The following HELLS variants were observed in gnomAD, a reference collection of about 807,000 sequenced individuals.
The protein encoded by HELLS is lymphoid-specific helicase.
A neutral mutation model predicts 120.0 loss-of-function variants in HELLS; 32 were observed. The ratio of observed to expected loss-of-function variants is 0.27; its 90% CI spans 0.20 to 0.36. The LOEUF is 0.36. Ranked by LOEUF, HELLS falls within the 10% of genes least tolerant of loss-of-function variation. The probability of loss-of-function intolerance (pLI) is 1.00; values close to 1 mark genes in which losing one functional copy is unlikely to be tolerated. For missense variants in HELLS, 650 were observed against 993.4 expected, an observed-to-expected ratio of 0.65 and a Z score of 4.65; for synonymous variants, 341 against 323.4, an observed-to-expected ratio of 1.05 and a Z score of -0.58.
exon 10 of HELLS, chr10:94,612,487 A>C (rs557169679): frequency 1.6e-4 from 24 of 152,342 alleles, no homozygotes; most frequent in African/African-American, 5.5e-4. Flanking sequence ...GTGGAGTTTT[A>C]CAGAAGCTAT....
In HELLS at chr10:94,588,225, T is replaced by G; in HGVS notation, c.1327-4T>G. 6.4e-7 allele frequency: 1 copy of G among 1,569,826 alleles called. No individual in the cohort carries two copies. Among genetic ancestry groups the G allele is most frequent in the East Asian group, 2.2e-5 (1 of 44,612 alleles). On this transcript the variant is annotated splice_region_variant and splice_polypyrimidine_tract_variant and intron_variant, in intron 12 of 21. Coordinates refer to ENST00000348459, the MANE Select transcript of HELLS (RefSeq NM_018063.5). Reference sequence around the variant, plus strand: ...ATATTTTTCTGTTCATGTTTTAATTTTAGATTTTAACACCTTTCTTATTGA... The same window carrying G: ...ATATTTTTCTGTTCATGTTTTAATTGTAGATTTTAACACCTTTCTTATTGA...
At chr10:94,559,136 A>G (rs1023015820) in intron 4 of HELLS, among the ~76,000 whole-genome samples, 1 of 152,130 alleles carries the variant, frequency 6.6e-6, no homozygotes, top group Non-Finnish European at 1.5e-5. Flanking sequence ...TAGTCCTCCA[A>G]TACATATGTT....
chr10:94,554,169 G>A lies in HELLS; in HGVS notation c.197G>A (p.Arg66His), dbSNP rs138927664. 4.4e-5 allele frequency: 69 copies of A among 1,571,286 alleles called. No homozygotes were observed. Among genetic ancestry groups the A allele is most frequent in the South Asian group, 1.2e-5 (1 of 82,194 alleles). The stretch of plus-strand genomic sequence containing the variant: ...AGAGAGTCGACAGAAATTCGGTACC[G>A]TAGACTTCAACATTTGCTTGAAAAA... ...WDRESTEIRY[R>H]RLQHLLEKSN... Residue 66 changes from arginine (R) to histidine (H), a missense_variant, in exon 3 of 22, where the codon CGT becomes CAT. Transcript: ENST00000348459.
chr10:94,550,235 G>A (rs1239267149), intron 2 of HELLS, among the ~76,000 whole-genome samples: 1 of 149,832 alleles, frequency 6.7e-6, no homozygotes, highest in East Asian at 2.0e-4. Flanking sequence ...TTTTTTTTAG[G>A]AAAAATTTTT....
At chr10:94,559,723 C>T (rs1462620179) in intron 4 of HELLS, among the ~76,000 whole-genome samples, 3 of 151,794 alleles carry the variant, frequency 2.0e-5, no homozygotes, top group African/African-American at 4.8e-5. Context: ...GGATTACAGG[C>T]GAGAGCCACT....
At chr10:94,582,783 A>G (rs183406108) in intron 11 of HELLS, among the ~76,000 whole-genome samples, 180 bp from the exon 12 acceptor site, 4 of 152,236 alleles carry the variant, frequency 2.6e-5, no homozygotes, top group Admixed American at 2.0e-4. Context: ...AATGCAACCA[A>G]TTTATCTTTG....
intron 2 of HELLS, among the ~76,000 whole-genome samples, chr10:94,550,163 G>T (rs988601352): frequency 6.6e-6 from 1 of 151,536 alleles, no homozygotes; most frequent in African/African-American, 2.4e-5. Context: ...CAGGTGATCC[G>T]CCCGTCTTGA....
At chr10:94,591,518 C>T (rs557993506) in intron 15 of HELLS, among the ~76,000 whole-genome samples, 1 of 152,254 alleles carries the variant, frequency 6.6e-6, no homozygotes, top group East Asian at 1.9e-4. Context: ...CATTTTGGGC[C>T]AGATAATTCT....
chr10:94,589,654 G>A (rs1845364886), intron 13 of HELLS, among the ~76,000 whole-genome samples: 1 of 149,048 alleles, frequency 6.7e-6, no homozygotes, highest in South Asian at 2.1e-4. Context: ...TTAAACAATA[G>A]GACCACCAGA....
intron 4 of HELLS, among the ~76,000 whole-genome samples, chr10:94,562,142 G>T (rs1341907781): frequency 1.3e-5 from 2 of 150,694 alleles, no homozygotes; most frequent in East Asian, 2.1e-4. Context: ...GTGGCTCAAC[G>T]CCTGTAATCC....
In HELLS at chr10:94,611,471, A is replaced by G. The variant is rs373591496; in HGVS notation, c.*1620A>G. ...AATTAGTAATTCAGTGGTAATTAGT[A>G]TACTACCAAAGAAAGTACTTGAGCA... On this transcript the variant is annotated 3_prime_UTR_variant, in exon 10 of 10. Coordinates refer to the HELLS transcript ENST00000371327. 5.9e-5 allele frequency: 9 copies of G among 152,346 alleles called. 1 individual carries two copies. Among genetic ancestry groups the G allele is most frequent in the Admixed American group, 2.6e-4 (4 of 15,298 alleles). 9.4% of individuals were successfully genotyped at this position (152,346 alleles called of 1,614,324 possible). A position where few individuals can be genotyped will look rare whatever the true frequency, so the allele number is the denominator to read the frequency against.
chr10:94,574,325 T>G, intron 8 of HELLS, 138 bp downstream of exon 8: 1 of 727,748 alleles, frequency 1.4e-6, no homozygotes, highest in Middle Eastern at 3.0e-4. Flanking sequence ...CTTTCTGATT[T>G]CTTTACCCTG....
chr10:94,607,702 T>A (rs1048022646), intron 8 of HELLS, among the ~76,000 whole-genome samples: 3 of 152,164 alleles, frequency 2.0e-5, no homozygotes, highest in Admixed American at 6.5e-5. Flanking sequence ...TTTTTTAGTC[T>A]TAGCAATTTT....
chr10:94,560,784 G>A (rs1026698749), intron 4 of HELLS, among the ~76,000 whole-genome samples: 1 of 151,944 alleles, frequency 6.6e-6, no homozygotes, highest in African/African-American at 2.4e-5. Context: ...GGCCAGGCAC[G>A]GTGGCTCACG....
rs139861782 is a variant in HELLS at position 94,580,034 on chromosome 10, C to G, written c.1033-1292C>G. Among the ~76,000 whole-genome samples, 638 of 149,584 alleles carry G rather than the reference C, an allele frequency of 4.3e-3. 2 individuals are homozygous for G. The highest frequency in any genetic ancestry group is 0.015 in the African/African-American group (594 of 40,818). ...TGTTGCTGAGTGCGAGTGGAAGTGA[C>G]TGAGTTCACTTGCTAATTTGGCTTT... On this transcript the variant is annotated intron_variant, in intron 10 of 21. Coordinates refer to ENST00000348459, the MANE Select transcript of HELLS (RefSeq NM_018063.5).
intron 2 of HELLS, among the ~76,000 whole-genome samples, chr10:94,552,407 C>G (rs933726688): frequency 6.6e-6 from 1 of 152,198 alleles, no homozygotes; most frequent in East Asian, 1.9e-4. Flanking sequence ...TTTCTGCTCT[C>G]ATTTATCCAT....
chr10:94,591,091 C>T (rs1232201324), intron 15 of HELLS, among the ~76,000 whole-genome samples: 3 of 152,162 alleles, frequency 2.0e-5, no homozygotes, highest in Non-Finnish European at 4.4e-5. Context: ...GCCTCAGCTT[C>T]CCAGAGTGCT....
At chr10:94,592,159 A>C (rs1266996136) in intron 15 of HELLS, 70 bp from the exon 16 acceptor site, 2 of 1,204,856 alleles carry the variant, frequency 1.7e-6, no homozygotes, top group East Asian at 2.4e-5. Context: ...GAACTTTCCA[A>C]ATGGCTTTTG....
intron 7 of HELLS, among the ~76,000 whole-genome samples, chr10:94,573,052 C>CA (rs1247520184): frequency 6.6e-6 from 1 of 152,058 alleles, no homozygotes; most frequent in Non-Finnish European, 1.5e-5. Context: ...CTCTGCCTCC[C>CA]AGGTTCAAGC....
Sources: allele counts gnomAD v4.1 joint callset (sites outside exome capture counted in the v4.1 genomes callset), GRCh38; gene constraint gnomAD v4.1.1; transcripts MANE v1.5; gene names NCBI Gene and HGNC (gene_info 2026-07-23, HGNC 2026-07-21).